Variants in COL4A6 observed in about 807,000 individuals in gnomAD.
COL4A6 encodes the protein collagen type IV alpha 6 chain, also known as collagen alpha-6(IV) chain.
Under a neutral mutation model 126.7 loss-of-function variants are expected in COL4A6, and 59 were observed. That is an observed-to-expected ratio of 0.47 (90% CI 0.38 to 0.58). The LOEUF is 0.58. Ranked by LOEUF, COL4A6 falls within the 20% of genes least tolerant of loss-of-function variation. The pLI is 0.00. For missense variants in COL4A6, 1,285 were observed against 1,337.3 expected, an observed-to-expected ratio of 0.96 and a Z score of 0.61; for synonymous variants, 547 against 496.6, an observed-to-expected ratio of 1.10 and a Z score of -1.35.
intron 2 of COL4A6, among the ~76,000 whole-genome samples, chrX:108,348,002 G>A (rs1046278382): frequency 2.7e-5 from 3 of 111,193 alleles, no homozygotes; most frequent in Non-Finnish European, 5.6e-5. Flanking sequence ...GAGTGCAGGA[G>A]GGGGTTGTTT....
At chrX:108,415,282 C>A (rs1278731409) in intron 2 of COL4A6, among the ~76,000 whole-genome samples, 1 of 111,714 alleles carries the variant, frequency 9.0e-6, no homozygotes, top group Non-Finnish European at 1.9e-5. Flanking sequence ...ACCCTGGTCC[C>A]AAATGGGCTC....
chrX:108,367,654 T>C (rs1378974920), intron 2 of COL4A6, among the ~76,000 whole-genome samples: 1 of 112,251 alleles, frequency 8.9e-6, no homozygotes, highest in Non-Finnish European at 1.9e-5. Context: ...TCTTGTCCAT[T>C]CCATTCTATT....
At chrX:108,325,208 G>A (rs1184075180) in intron 2 of COL4A6, among the ~76,000 whole-genome samples, 1 of 112,057 alleles carries the variant, frequency 8.9e-6, no homozygotes, top group East Asian at 2.8e-4. Context: ...AACTTTTTGG[G>A]CTTAATCAAA....
At chrX:108,298,791 G>C (rs1024657760) in intron 3 of COL4A6, among the ~76,000 whole-genome samples, 8 of 109,685 alleles carry the variant, frequency 7.3e-5, no homozygotes, top group African/African-American at 2.7e-4. Context: ...AGGGACCTTG[G>C]AGGCCTTCAA....
chrX:108,329,490 C>A lies in COL4A6; in HGVS notation c.64-18662G>T, dbSNP rs184628715. Among the ~76,000 whole-genome samples, 25 of 111,769 alleles carry A rather than the reference C, an allele frequency of 2.2e-4. No individual in the cohort carries two copies. In the Admixed American group the frequency reaches 2.3e-3, roughly 10 times the overall value. Reference sequence around the variant, plus strand: ...TTATGAAACAATGGGGAAATATGAACATTGTCTGGATATTCGATTATATTA... The same window carrying A: ...TTATGAAACAATGGGGAAATATGAAAATTGTCTGGATATTCGATTATATTA... On this transcript the variant is annotated intron_variant, in intron 2 of 44. Coordinates refer to ENST00000334504, the MANE Select transcript of COL4A6 (RefSeq NM_033641.4).
At chrX:108,425,322 T>C (rs1386293053) in intron 2 of COL4A6, among the ~76,000 whole-genome samples, 1 of 110,563 alleles carries the variant, frequency 9.0e-6, no homozygotes, top group Non-Finnish European at 1.9e-5. Flanking sequence ...TCTGTTTAAC[T>C]GCAGAGCATC....
chrX:108,383,871 T>A (rs1332654619), intron 2 of COL4A6: 11 of 491,330 alleles, frequency 2.2e-5, no homozygotes, highest in Non-Finnish European at 3.9e-5. Flanking sequence ...TTGATGTGGA[T>A]CTCAATGTTG....
At chrX:108,317,901 G>A (rs1200890545) in intron 2 of COL4A6, among the ~76,000 whole-genome samples, 1 of 111,403 alleles carries the variant, frequency 9.0e-6, no homozygotes, top group African/African-American at 3.3e-5. Flanking sequence ...GGATTGACTT[G>A]GTGATGCGGG....
chrX:108,373,742 A>C (rs1467022857), intron 2 of COL4A6, among the ~76,000 whole-genome samples: 1 of 111,918 alleles, frequency 8.9e-6, no homozygotes, highest in Non-Finnish European at 1.9e-5. Context: ...CCTTAAGCCC[A>C]CTTCAGTGCT....
rs1410336181 is a variant in COL4A6, at chrX:108,243,727, GA to G, written c.145-22354del. Among the ~76,000 whole-genome samples the G allele has an allele frequency of 2.7e-5, 3 of 111,784 alleles. No homozygotes were observed. The Admixed American group carries it at 2.9e-4, about 11-fold the overall frequency. ...CTCTGCTCTAAATAGTAGTTGAACTGAATGCAATGTCAAAGATGCATCACTC... is the reference window on the plus strand; with the variant it reads ...CTCTGCTCTAAATAGTAGTTGAACTGATGCAATGTCAAAGATGCATCACTC... On this transcript the variant is annotated intron_variant, in intron 3 of 44. Transcript: ENST00000334504.
intron 23 of COL4A6, among the ~76,000 whole-genome samples, chrX:108,182,964 A>T (rs1002001087): frequency 1.8e-5 from 2 of 112,508 alleles, no homozygotes; most frequent in Non-Finnish European, 3.7e-5. Flanking sequence ...TTCCGGGATG[A>T]GAAAAACAAT....
At chrX:108,271,700 C>T (rs1360663941) in intron 3 of COL4A6, among the ~76,000 whole-genome samples, 2 of 111,193 alleles carry the variant, frequency 1.8e-5, no homozygotes, top group Admixed American at 9.5e-5. Context: ...GAAAGTTCTA[C>T]CTTGGGGGTC....
intron 3 of COL4A6, among the ~76,000 whole-genome samples, chrX:108,296,378 T>G (rs1204129589): frequency 8.9e-6 from 1 of 111,804 alleles, no homozygotes. Context: ...GTCCTATCAT[T>G]TCTGAATCAG....
Position 108,180,500 on chromosome X carries a change from C to T in COL4A6, c.2131+15G>A. 4 of 1,149,169 alleles carry T rather than the reference C, an allele frequency of 3.5e-6. No homozygotes were observed. Among genetic ancestry groups the T allele is most frequent in the Non-Finnish European group, 4.8e-6 (4 of 841,549 alleles). 94.7% of individuals were successfully genotyped at this position (1,149,169 alleles called of 1,213,427 possible). ...ACACAAAGAGAAGCAGGTGAGGAGA[C>T]ACTCCTTTTCTTACCTGGTAATTCA... On this transcript the variant is annotated intron_variant, in intron 25 of 44. Coordinates refer to ENST00000334504, the MANE Select transcript of COL4A6 (RefSeq NM_033641.4).
At chrX:108,269,351 A>G (rs2037391251) in intron 3 of COL4A6, among the ~76,000 whole-genome samples, 1 of 111,658 alleles carries the variant, frequency 9.0e-6, no homozygotes, top group African/African-American at 3.3e-5. Flanking sequence ...AGGATGCTGG[A>G]GGCCAGATTT....
chrX:108,246,681 T>C (rs1194040657), intron 3 of COL4A6, among the ~76,000 whole-genome samples: 1 of 111,246 alleles, frequency 9.0e-6, no homozygotes, highest in Non-Finnish European at 1.9e-5. Flanking sequence ...CGCTGACTAC[T>C]ACTGTGATTG....
intron 2 of COL4A6, among the ~76,000 whole-genome samples, chrX:108,338,288 G>T (rs771948279): frequency 4.5e-5 from 5 of 112,058 alleles, no homozygotes; most frequent in Non-Finnish European, 9.4e-5. Context: ...GCCCATGCAT[G>T]CCAAGACAGC....
At chrX:108,316,865 G>C (rs750624092) in intron 2 of COL4A6, among the ~76,000 whole-genome samples, 1 of 112,356 alleles carries the variant, frequency 8.9e-6, no homozygotes, top group Non-Finnish European at 1.9e-5. Context: ...AGTGAATAGG[G>C]GGATGGGATA....
chrX:108,179,286 C>T lies in COL4A6; in HGVS notation c.2284G>A (p.Glu762Lys), dbSNP rs772291001. The T allele has an allele frequency of 1.7e-6, 2 of 1,211,272 alleles. No homozygotes were observed. The highest frequency in any genetic ancestry group is 2.2e-6 in the Non-Finnish European group (2 of 895,401). The change falls in exon 26 of 45, where the codon GAA becomes AAA. Residue 762 changes from glutamate (E) to lysine (K), a missense_variant. Coordinates refer to ENST00000334504, the MANE Select transcript of COL4A6 (RefSeq NM_033641.4). ...CCTGTTAATCCTTGTAGGCCTTGTTCCCCCGGAGCACCATTTTCAGCACCA... is the reference window on the plus strand; with the variant it reads ...CCTGTTAATCCTTGTAGGCCTTGTTTCCCCGGAGCACCATTTTCAGCACCA... ...IFGAENGAPG[E>K]QGLQGLTGHK...
Sources: gnomAD v4.1 joint callset for allele counts (sites outside exome capture counted in the v4.1 genomes callset) on GRCh38, gnomAD v4.1.1 for gene constraint, MANE v1.5 for transcripts, NCBI Gene and HGNC (gene_info 2026-07-23, HGNC 2026-07-21) for gene names.